The following RNF169 variants were observed in gnomAD, a reference collection of about 807,000 sequenced individuals.
The protein encoded by RNF169 is E3 ubiquitin-protein ligase RNF169.
In RNF169, 24 loss-of-function variants were observed where a neutral mutation model predicts 53.9. The ratio of observed to expected loss-of-function variants is 0.45; its 90% CI spans 0.32 to 0.63. The LOEUF is 0.63. Ranked by LOEUF, RNF169 falls within the 20% of genes least tolerant of loss-of-function variation. RNF169 has a pLI of 0.04. For synonymous variants in RNF169, 396 were observed against 363.5 expected, an observed-to-expected ratio of 1.09 and a Z score of -1.02; for missense variants, 883 against 906.2, an observed-to-expected ratio of 0.97 and a Z score of 0.33.
At chr11:74,785,175 TA>T (rs1672218265) in intron 1 of RNF169, among the ~76,000 whole-genome samples, 1 of 66,590 alleles carries the variant, frequency 1.5e-5, no homozygotes. Flanking sequence ...ATATATATGA[TA>T]TATATATATG....
intron 1 of RNF169, among the ~76,000 whole-genome samples, chr11:74,761,235 A>T (rs2135311845): frequency 6.8e-6 from 1 of 146,788 alleles, no homozygotes. Flanking sequence ...TCCTGAATAC[A>T]GCACACTGAT....
chr11:74,795,651 A>G (rs568613288), intron 2 of RNF169, among the ~76,000 whole-genome samples: 1 of 152,350 alleles, frequency 6.6e-6, no homozygotes, highest in South Asian at 2.1e-4. Context: ...TCTTGAGCCC[A>G]GGAGTTTGAG....
At chr11:74,795,516 A>AT (rs2035635797) in intron 2 of RNF169, among the ~76,000 whole-genome samples, 1 of 152,174 alleles carries the variant, frequency 6.6e-6, no homozygotes, top group Non-Finnish European at 1.5e-5. Flanking sequence ...ACCCACAAAC[A>AT]TATGTGGGCA....
At chr11:74,789,846 T>C in intron 2 of RNF169, 147 bp downstream of exon 2, 2 of 474,442 alleles carry the variant, frequency 4.2e-6, no homozygotes, top group Non-Finnish European at 7.5e-6. Context: ...TAGTTAGATT[T>C]GGAGCTATAA....
chr11:74,837,608 T>G lies in RNF169; in HGVS notation c.*878T>G, dbSNP rs1046238837. 1 of 152,266 alleles carries G rather than the reference T, an allele frequency of 6.6e-6. No homozygotes were observed. Among genetic ancestry groups the G allele is most frequent in the Non-Finnish European group, 1.5e-5 (1 of 68,050 alleles). The allele number at this position is 152,266 out of a possible 1,614,324, so 9.4% of individuals were successfully genotyped here. Reference sequence around the variant, plus strand: ...TGCATTATCCCCATCCCCCACAGTTTAGAGCCTTCTGCTTTTCTGGGGGTT... The same window carrying G: ...TGCATTATCCCCATCCCCCACAGTTGAGAGCCTTCTGCTTTTCTGGGGGTT... On this transcript the variant is annotated 3_prime_UTR_variant, in exon 6 of 6. Transcript: ENST00000299563.
intron 1 of RNF169, among the ~76,000 whole-genome samples, chr11:74,768,235 A>G (rs2035204178): frequency 6.6e-6 from 1 of 152,236 alleles, no homozygotes. Flanking sequence ...TCACTAGGGT[A>G]AAGGTGTCAT....
chr11:74,833,841 A>G (rs1260606684), intron 4 of RNF169, among the ~76,000 whole-genome samples: 2 of 152,204 alleles, frequency 1.3e-5, no homozygotes, highest in African/African-American at 4.8e-5. Flanking sequence ...ATAGATTCAC[A>G]TATGATCCTG....
At chr11:74,812,601 G>A (rs1046841963) in intron 3 of RNF169, among the ~76,000 whole-genome samples, 11 of 151,956 alleles carry the variant, frequency 7.2e-5, no homozygotes, top group African/African-American at 2.7e-4. Context: ...ATGCCAGTGT[G>A]CCTGGGCTGC....
At chr11:74,760,065 C>G (rs1268951196) in intron 1 of RNF169, among the ~76,000 whole-genome samples, 2 of 151,440 alleles carry the variant, frequency 1.3e-5, no homozygotes, top group Admixed American at 6.6e-5. Flanking sequence ...AGGAATGTAT[C>G]CATTTCTTCT....
Position 74,839,283 on chromosome 11 carries a change from C to T in RNF169, c.*2553C>T, listed in dbSNP as rs1005046349. On this transcript the variant is annotated 3_prime_UTR_variant, in exon 6 of 6. Coordinates refer to ENST00000299563, the MANE Select transcript of RNF169 (RefSeq NM_001098638.2). The stretch of plus-strand genomic sequence containing the variant: ...AGGTTAAGGAGGGAGGAGGGTTGAT[C>T]TTTAATCAGGTTGGCTTTGGAGGAA... The T allele has an allele frequency of 2.6e-5, 4 of 152,116 alleles. No individual in the cohort carries two copies. The highest frequency in any genetic ancestry group is 7.2e-5 in the African/African-American group (3 of 41,426). The allele number at this position is 152,116 out of a possible 1,614,324, so 9.4% of individuals were successfully genotyped here.
At position 74,835,559 on chromosome 11, in the gene RNF169, C is replaced by T; in HGVS notation, c.956C>T (p.Thr319Ile). The change falls in exon 6 of 6, where the codon ACT (threonine) becomes ATT (isoleucine). Residue 319 changes from threonine to isoleucine, a missense_variant. Coordinates refer to ENST00000299563, the MANE Select transcript of RNF169 (RefSeq NM_001098638.2). ...AATCTCTTTCAGGTCACAACTATGACTCCAGCCTCCAACCCCATCATTGGT... is the reference window on the plus strand; with the variant it reads ...AATCTCTTTCAGGTCACAACTATGATTCCAGCCTCCAACCCCATCATTGGT... Reference protein sequence around the residue: ...PGNKAKVTTMTPASNPIIGVL... With the variant: ...PGNKAKVTTMIPASNPIIGVL... 6.2e-7 allele frequency: 1 copy of T among 1,613,678 alleles called. No homozygotes were observed. The highest frequency in any genetic ancestry group is 8.5e-7 in the Non-Finnish European group (1 of 1,179,666).
intron 4 of RNF169, chr11:74,831,330 T>A (rs11828993): frequency 6.6e-6 from 1 of 152,164 alleles, no homozygotes; most frequent in East Asian, 1.9e-4. Context: ...CAAAAATCAG[T>A]TGCATTTCTA....
At chr11:74,773,690 T>C (rs2035290309) in intron 1 of RNF169, among the ~76,000 whole-genome samples, 2 of 152,178 alleles carry the variant, frequency 1.3e-5, no homozygotes, top group African/African-American at 2.4e-5. Context: ...GCATCATAAA[T>C]AGTATTCTGG....
rs1164076363 is a variant in RNF169, at chr11:74,835,926, G to C, written c.1323G>C (p.Arg441=). Residue 441 remains arginine, a synonymous_variant, in exon 6 of 6, where the codon CGG becomes CGC. Transcript: ENST00000299563. ...LKKWEQIFQE[R]QIKKTLSKAT... is the part of the protein sequence containing the mutation. ...AGTGGGAACAGATCTTTCAGGAGCG[G>C]CAGATCAAAAAGACCCTTTCAAAAG... 6.2e-7 allele frequency: 1 copy of C among 1,614,154 alleles called. No individual in the cohort carries two copies.
intron 1 of RNF169, among the ~76,000 whole-genome samples, chr11:74,778,718 C>T (rs1190364032): frequency 1.3e-5 from 2 of 152,208 alleles, no homozygotes; most frequent in Non-Finnish European, 2.9e-5. Context: ...ACCTGGCACC[C>T]TTCATTCAAC....
intron 1 of RNF169, among the ~76,000 whole-genome samples, chr11:74,779,116 TAAC>T (rs2035379647): frequency 6.6e-6 from 1 of 152,338 alleles, no homozygotes; most frequent in East Asian, 1.9e-4. Flanking sequence ...TTGCAGTTGT[TAAC>T]AATGTTGCAA....
chr11:74,801,896 T>C (rs2035736456), intron 2 of RNF169, among the ~76,000 whole-genome samples: 1 of 152,214 alleles, frequency 6.6e-6, no homozygotes, highest in East Asian at 1.9e-4. Flanking sequence ...CCCCTTAGAA[T>C]GTAGGGTCCC....
chr11:74,764,785 G>A (rs563554908), intron 1 of RNF169, among the ~76,000 whole-genome samples: 5 of 152,222 alleles, frequency 3.3e-5, no homozygotes, highest in African/African-American at 1.2e-4. Context: ...AAAATACTAG[G>A]CAAAGATAAA....
intron 1 of RNF169, among the ~76,000 whole-genome samples, chr11:74,758,382 T>G (rs993450917): frequency 2.7e-5 from 4 of 148,184 alleles, no homozygotes; most frequent in African/African-American, 1.0e-4. Context: ...ACCAGTACCA[T>G]GCTGTTTTGG....
Sources: allele counts gnomAD v4.1 joint callset (sites outside exome capture counted in the v4.1 genomes callset), GRCh38; gene constraint gnomAD v4.1.1; transcripts MANE v1.5; gene names NCBI Gene and HGNC (gene_info 2026-07-23, HGNC 2026-07-21).